ARFIP1: variants seen among roughly 807,000 people sequenced by gnomAD.
ARFIP1 encodes arfaptin-1.
A neutral mutation model predicts 42.5 loss-of-function variants in ARFIP1; 24 were observed. The ratio of observed to expected loss-of-function variants is 0.57; its 90% CI spans 0.41 to 0.80. The LOEUF (loss-of-function observed/expected upper bound fraction) is 0.80, where lower values mean the gene tolerates loss of function less well. ARFIP1 is among the 30% of genes least tolerant of loss of function. ARFIP1 has a pLI of 0.00. For synonymous variants in ARFIP1, 141 were observed against 153.7 expected (o/e 0.92, Z 0.61); for missense variants, 354 against 434.0 (o/e 0.82, Z 1.64).
In ARFIP1 at chr4:152,880,968, T is replaced by G. The variant is rs773872530; in HGVS notation, c.417T>G (p.Thr139=). ...AATGCATCTTCCACTTTTAGTGTAC[T>G]CGACAGATTATCTCTGAGAAGCTAG... ...RKWSLNTYKC[T]RQIISEKLGR... is the part of the protein sequence containing the mutation. The change falls in exon 6 of 9, where the codon ACT becomes ACG. Residue 139 remains threonine, a synonymous_variant. Transcript: ENST00000353617. The G allele has an allele frequency of 5.0e-6, 8 of 1,611,904 alleles. No individual in the cohort carries two copies. In the Admixed American group the frequency reaches 1.2e-4, roughly 24 times the overall value.
rs148465656 is a variant in ARFIP1, at chr4:152,832,808, G to A, written c.93+3082G>A. On this transcript the variant is annotated intron_variant, in intron 2 of 8. Transcript: ENST00000353617. Reference sequence around the variant, plus strand: ...TCTCATGTAAATATTCAATTGATCAGCACTGTTTTTTGAAAAGACTCTTCT... The same window carrying A: ...TCTCATGTAAATATTCAATTGATCAACACTGTTTTTTGAAAAGACTCTTCT... Among the ~76,000 whole-genome samples, 832 of 152,178 alleles carry A rather than the reference G, an allele frequency of 5.5e-3. 7 individuals carry two copies. Among genetic ancestry groups the A allele is most frequent in the African/African-American group, 0.018 (760 of 41,478 alleles).
chr4:152,878,874 C>A lies in ARFIP1; in HGVS notation c.412-2089C>A, dbSNP rs549938106. On this transcript the variant is annotated intron_variant, in intron 5 of 8. Transcript: ENST00000353617. The stretch of plus-strand genomic sequence containing the variant: ...GTTGTGACAGTACCACATGCTTTGG[C>A]TTTTGAATAGAGTAAATGTCTCTGA... 2.0e-5 allele frequency among the ~76,000 whole-genome samples: 3 copies of A among 152,236 alleles called. No homozygotes were observed. In the East Asian group the frequency reaches 5.8e-4, roughly 29 times the overall value.
intron 1 of ARFIP1, among the ~76,000 whole-genome samples, chr4:152,827,947 TACAG>T (rs1051168661): frequency 2.6e-5 from 4 of 152,218 alleles, no homozygotes; most frequent in African/African-American, 9.6e-5. Flanking sequence ...ATGTTGGGAT[TACAG>T]ACATGAACCA....
intron 2 of ARFIP1, among the ~76,000 whole-genome samples, chr4:152,863,294 C>T (rs1734035343): frequency 6.6e-6 from 1 of 152,168 alleles, no homozygotes; most frequent in South Asian, 2.1e-4. Flanking sequence ...TAATTTTGCT[C>T]ATTAAAATAA....
intron 6 of ARFIP1, 114 bp downstream of exon 6, chr4:152,881,298 A>C (rs1578999409): frequency 2.5e-6 from 2 of 816,088 alleles, no homozygotes; most frequent in Admixed American, 5.7e-5. Flanking sequence ...GAATTCTGAG[A>C]TTCTCTTTTA....
intron 1 of ARFIP1, among the ~76,000 whole-genome samples, chr4:152,797,663 T>C (rs1731550554): frequency 6.6e-6 from 1 of 152,218 alleles, no homozygotes; most frequent in African/African-American, 2.4e-5. Flanking sequence ...TTTTTACACA[T>C]TGTTTAGTTT....
intron 8 of ARFIP1, among the ~76,000 whole-genome samples, chr4:152,892,360 T>C (rs1736928953): frequency 1.3e-5 from 2 of 152,220 alleles, no homozygotes; most frequent in Admixed American, 1.3e-4. Context: ...TTGGTTCTCA[T>C]GTCATGACTT....
chr4:152,895,350 T>C (rs1561178700), intron 8 of ARFIP1, among the ~76,000 whole-genome samples: 1 of 152,132 alleles, frequency 6.6e-6, no homozygotes. Context: ...TTTTATTCCT[T>C]TATTCAGCAA....
intron 2 of ARFIP1, among the ~76,000 whole-genome samples, chr4:152,841,171 G>C (rs939749773): frequency 6.6e-6 from 1 of 151,882 alleles, no homozygotes; most frequent in African/African-American, 2.4e-5. Flanking sequence ...GAGTAGCTGG[G>C]ATTACAAGCA....
At position 152,782,764 on chromosome 4, in the gene ARFIP1, G is replaced by C. The variant is rs964063585; in HGVS notation, c.-10+2538G>C. ...ATGATTGTTTCTCTCTTGTGAATAC[G>C]TTAGTATCCTTCCAAGCTTAATGTA... is the stretch of plus-strand genomic sequence containing the variant. On this transcript the variant is annotated intron_variant, in intron 1 of 8. Transcript: ENST00000353617. 8.5e-5 allele frequency among the ~76,000 whole-genome samples: 13 copies of C among 152,208 alleles called. No homozygotes were observed. The South Asian group carries it at 1.2e-3, about 15-fold the overall frequency.
chr4:152,853,820 C>T (rs1301975177), intron 2 of ARFIP1, among the ~76,000 whole-genome samples: 2 of 151,368 alleles, frequency 1.3e-5, no homozygotes, highest in East Asian at 3.9e-4. Context: ...TGTCTCATGT[C>T]ATGAATACTT....
intron 1 of ARFIP1, among the ~76,000 whole-genome samples, chr4:152,782,969 C>G (rs767359814): frequency 5.3e-5 from 8 of 152,112 alleles, no homozygotes; most frequent in Non-Finnish European, 1.0e-4. Context: ...AAGTTTTCCT[C>G]TGTCTAGCAA....
At chr4:152,881,262 G>A in intron 6 of ARFIP1, 78 bp downstream of exon 6, 1 of 1,141,464 alleles carries the variant, frequency 8.8e-7, no homozygotes, top group Admixed American at 2.3e-5. Context: ...TTGTTATTGT[G>A]ATTTGCTGAA....
intron 2 of ARFIP1, among the ~76,000 whole-genome samples, chr4:152,844,296 G>A (rs1732362572): frequency 6.6e-6 from 1 of 152,156 alleles, no homozygotes; most frequent in Non-Finnish European, 1.5e-5. Flanking sequence ...GGAGCAGTCC[G>A]CTTCCTTCAG....
chr4:152,867,465 C>T (rs1273188533), intron 3 of ARFIP1, among the ~76,000 whole-genome samples: 3 of 152,054 alleles, frequency 2.0e-5, no homozygotes, highest in East Asian at 1.9e-4. Flanking sequence ...AGCTTCTGCT[C>T]GGCATCAGAG....
At chr4:152,824,886 T>G (rs1443224326) in intron 1 of ARFIP1, among the ~76,000 whole-genome samples, 1 of 152,048 alleles carries the variant, frequency 6.6e-6, no homozygotes, top group Non-Finnish European at 1.5e-5. Flanking sequence ...AGCACTGCTA[T>G]ACACCAACAA....
chr4:152,831,954 AG>A (rs1438628907), intron 2 of ARFIP1, among the ~76,000 whole-genome samples: 1 of 141,508 alleles, frequency 7.1e-6, no homozygotes, highest in African/African-American at 2.6e-5. Context: ...CGAGTATTTC[AG>A]TGTTTAAAAT....
chr4:152,798,257 C>T (rs565360806), intron 1 of ARFIP1, among the ~76,000 whole-genome samples: 9 of 152,154 alleles, frequency 5.9e-5, no homozygotes, highest in African/African-American at 2.2e-4. Flanking sequence ...AGCGAGACAC[C>T]GTCTCAAAAA....
intron 8 of ARFIP1, among the ~76,000 whole-genome samples, chr4:152,898,553 A>G (rs1172396170): frequency 1.3e-5 from 2 of 152,198 alleles, no homozygotes; most frequent in Admixed American, 6.5e-5. Flanking sequence ...CTAAAGTACT[A>G]TATAAGGTAT....
Sources: allele counts gnomAD v4.1 joint callset (sites outside exome capture counted in the v4.1 genomes callset), GRCh38; gene constraint gnomAD v4.1.1; transcripts MANE v1.5; gene names NCBI Gene and HGNC (gene_info 2026-07-23, HGNC 2026-07-21).